LANCL2: variants seen among roughly 807,000 people sequenced by gnomAD.
LANCL2 encodes the protein LanC like glutathione S-transferase 2.
Under a neutral mutation model 56.9 loss-of-function variants are expected in LANCL2, and 33 were observed. The ratio of observed to expected loss-of-function variants is 0.58; its 90% CI spans 0.44 to 0.78. The LOEUF is 0.78. Ranked by LOEUF, LANCL2 falls within the 30% of genes least tolerant of loss-of-function variation. The pLI, the probability that LANCL2 is intolerant of heterozygous loss-of-function variation, is 0.00. For missense variants in LANCL2, 562 were observed against 580.2 expected (o/e 0.97, Z 0.32); for synonymous variants, 233 against 228.2 (o/e 1.02, Z -0.19).
intron 5 of LANCL2, among the ~76,000 whole-genome samples, chr7:55,403,418 CA>C (rs1226090391): frequency 2.5e-4 from 37 of 149,532 alleles, no homozygotes; most frequent in Non-Finnish European, 4.4e-4. Flanking sequence ...GGCTCGGCAT[CA>C]GGGGGAGACC....
chr7:55,422,311 T>G (rs1790617465), intron 6 of LANCL2, among the ~76,000 whole-genome samples: 2 of 152,200 alleles, frequency 1.3e-5, no homozygotes, highest in South Asian at 4.1e-4. Context: ...TGGGTTGACT[T>G]TTTTTTCTTT....
chr7:55,388,667 A>G (rs1290630384), intron 1 of LANCL2, among the ~76,000 whole-genome samples: 4 of 152,230 alleles, frequency 2.6e-5, no homozygotes, highest in African/African-American at 9.6e-5. Flanking sequence ...TCAGTCAGGG[A>G]GAGCCTTGAC....
intron 2 of LANCL2, among the ~76,000 whole-genome samples, chr7:55,393,867 G>A (rs180816574): frequency 2.0e-5 from 3 of 152,254 alleles, no homozygotes; most frequent in East Asian, 3.9e-4. Flanking sequence ...AGATAATTGT[G>A]GCTAACCTGA....
At chr7:55,368,744 A>G (rs1285403615) in intron 1 of LANCL2, among the ~76,000 whole-genome samples, 1 of 152,056 alleles carries the variant, frequency 6.6e-6, no homozygotes, top group Non-Finnish European at 1.5e-5. Flanking sequence ...AACCCATTGG[A>G]ACCTCAGAAT....
In LANCL2 at chr7:55,391,800, A is replaced by G. The variant is rs747734895; in HGVS notation, c.212A>G (p.His71Arg). The change falls in exon 2 of 9, where the codon CAT becomes CGT. Residue 71 changes from histidine to arginine, a missense_variant. Around this residue, in one of 2 missense-constraint regions of LANCL2, gnomAD observed 184 missense variants for 111.8 expected, o/e 1.65. Transcript: ENST00000254770. The part of the protein sequence containing the change: ...LPFHQDGKII[H>R]NFIRRIQTKI... ...TCTTCTTTTGGATCTCAGATCATTC[A>G]TAATTTCATAAGACGGATCCAGACC... 5.1e-6 allele frequency: 8 copies of G among 1,574,398 alleles called. No individual in the cohort carries two copies. Among genetic ancestry groups the G allele is most frequent in the Middle Eastern group, 1.7e-4 (1 of 5,986 alleles).
intron 1 of LANCL2, among the ~76,000 whole-genome samples, chr7:55,374,841 A>G (rs1027012782): frequency 2.6e-5 from 4 of 152,356 alleles, no homozygotes; most frequent in Admixed American, 2.0e-4. Flanking sequence ...ACATCATCAC[A>G]TATGTAAAAT....
intron 1 of LANCL2, among the ~76,000 whole-genome samples, chr7:55,384,058 A>G (rs1266061900): frequency 6.6e-6 from 1 of 152,174 alleles, no homozygotes; most frequent in Non-Finnish European, 1.5e-5. Context: ...ATAGATCAAT[A>G]GAAATTATCC....
intron 7 of LANCL2, 122 bp downstream of exon 7, chr7:55,425,552 T>G: frequency 1.1e-6 from 1 of 886,128 alleles, no homozygotes; most frequent in African/African-American, 1.7e-5. Flanking sequence ...TAGCTTCCTC[T>G]TTTTCTTCTG....
chr7:55,423,500 G>A (rs1303896348), intron 6 of LANCL2, among the ~76,000 whole-genome samples: 1 of 152,202 alleles, frequency 6.6e-6, no homozygotes, highest in Non-Finnish European at 1.5e-5. Flanking sequence ...ATTTCCTTAG[G>A]ATGGGAAAAC....
At chr7:55,390,371 C>T (rs1037984770) in intron 1 of LANCL2, among the ~76,000 whole-genome samples, 6 of 152,086 alleles carry the variant, frequency 3.9e-5, no homozygotes, top group Admixed American at 3.3e-4. Flanking sequence ...TTTGAGAGGC[C>T]GAGGTGGGTG....
At chr7:55,370,757 A>G (rs1054135758) in intron 1 of LANCL2, among the ~76,000 whole-genome samples, 1 of 152,144 alleles carries the variant, frequency 6.6e-6, no homozygotes, top group Non-Finnish European at 1.5e-5. Flanking sequence ...CTTAAGGGAT[A>G]CCACATTATG....
intron 1 of LANCL2, among the ~76,000 whole-genome samples, chr7:55,386,020 G>A (rs553950830): frequency 3.9e-5 from 6 of 152,250 alleles, no homozygotes; most frequent in East Asian, 3.9e-4. Flanking sequence ...TGTTCTGCCC[G>A]GCTCACTGGC....
At chr7:55,394,094 T>G (rs1790222937) in intron 2 of LANCL2, 1 of 152,170 alleles carries the variant, frequency 6.6e-6, no homozygotes. Flanking sequence ...CCAGAAGAGT[T>G]ACATTAGGAA....
At chr7:55,419,120 G>A (rs1790577826) in intron 6 of LANCL2, among the ~76,000 whole-genome samples, 2 of 152,076 alleles carry the variant, frequency 1.3e-5, no homozygotes, top group Admixed American at 6.5e-5. Flanking sequence ...TCAGGATTAT[G>A]CTGGTCACGT....
intron 6 of LANCL2, among the ~76,000 whole-genome samples, chr7:55,419,487 C>T (rs528632778): frequency 1.3e-4 from 19 of 150,960 alleles, no homozygotes; most frequent in Middle Eastern, 3.4e-3. Context: ...CTGCAACCTC[C>T]GCCTCCCGGG....
In LANCL2 at chr7:55,430,918, A is replaced by C. The variant is rs567455832; in HGVS notation, c.1259-308A>C. ...CTGAGGGGAAGCTCCGTGTATAGGA[A>C]TATCGTAATTAGCAGCATCCATAAC... is the stretch of plus-strand genomic sequence containing the variant. On this transcript the variant is annotated intron_variant, in intron 8 of 8. Transcript: ENST00000254770. 2.6e-5 allele frequency among the ~76,000 whole-genome samples: 4 copies of C among 152,340 alleles called. No individual in the cohort carries two copies. The East Asian group carries it at 7.7e-4, about 29-fold the overall frequency.
rs1272344116 is a variant in LANCL2 at position 55,396,594 on chromosome 7, C to T, written c.323-1829C>T. Among the ~76,000 whole-genome samples the T allele has an allele frequency of 2.0e-5, 3 of 152,258 alleles. No individual in the cohort carries two copies. In the East Asian group the frequency reaches 5.8e-4, roughly 29 times the overall value. ...CTGGCCAGAAGGTTGAGCCTGCTCA[C>T]AGGCGCGTGCTCCCCAGCACCTCCC... On this transcript the variant is annotated intron_variant, in intron 2 of 8. Coordinates refer to ENST00000254770, the MANE Select transcript of LANCL2 (RefSeq NM_018697.4).
At chr7:55,421,727 C>G (rs1790610489) in intron 6 of LANCL2, among the ~76,000 whole-genome samples, 1 of 152,090 alleles carries the variant, frequency 6.6e-6, no homozygotes, top group South Asian at 2.1e-4. Flanking sequence ...CTTAGCTTTT[C>G]ATAATCTCCT....
chr7:55,425,987 G>A (rs1047583499), intron 7 of LANCL2, among the ~76,000 whole-genome samples: 1 of 152,142 alleles, frequency 6.6e-6, no homozygotes, highest in South Asian at 2.1e-4. Flanking sequence ...ATACAGCCAT[G>A]TTGCCCTCTC....
Sources: allele counts gnomAD v4.1 joint callset (sites outside exome capture counted in the v4.1 genomes callset), GRCh38; gene constraint gnomAD v4.1.1; regional missense constraint gnomAD v4.1.1; transcripts MANE v1.5; gene names NCBI Gene and HGNC (gene_info 2026-07-23, HGNC 2026-07-21).